Variants in VWA8 observed in about 807,000 individuals in gnomAD.
The protein encoded by VWA8 is von Willebrand factor A domain containing 8.
Under a neutral mutation model 241.5 loss-of-function variants are expected in VWA8, and 221 were observed. That is an observed-to-expected ratio of 0.91 (90% confidence interval 0.82 to 1.02). The LOEUF is 1.02. Ranked by LOEUF, VWA8 falls within the 50% of genes least tolerant of loss-of-function variation. The pLI is 0.00. For missense variants in VWA8, 2,322 were observed against 2,328.7 expected (o/e 1.00, Z 0.06); for synonymous variants, 852 against 827.1 (o/e 1.03, Z -0.52).
intron 20 of VWA8, among the ~76,000 whole-genome samples, chr13:41,765,790 T>C (rs1251611596): frequency 2.0e-5 from 3 of 152,182 alleles, no homozygotes; most frequent in East Asian, 3.8e-4. Context: ...TTAGTAAAAA[T>C]CAACATGAAA....
chr13:41,830,438 T>C (rs1871396826), intron 14 of VWA8, 91 bp downstream of exon 14: 1 of 1,060,348 alleles, frequency 9.4e-7, no homozygotes, highest in Non-Finnish European at 1.4e-6. Flanking sequence ...CAAAGTTATC[T>C]TGGCATTATT....
intron 20 of VWA8, 140 bp from the exon 21 acceptor site, chr13:41,761,344 G>A: frequency 1.4e-6 from 1 of 725,408 alleles, no homozygotes; most frequent in Non-Finnish European, 2.3e-6. Flanking sequence ...AAACCAAACT[G>A]GCAAACATAT....
At chr13:41,694,676 C>T (rs2045203587) in intron 29 of VWA8, among the ~76,000 whole-genome samples, 2 of 151,922 alleles carry the variant, frequency 1.3e-5, no homozygotes, top group Non-Finnish European at 2.9e-5. Flanking sequence ...AAAATGAATT[C>T]TTAGCACTTA....
intron 41 of VWA8, among the ~76,000 whole-genome samples, chr13:41,589,603 T>G (rs73181179): frequency 2.0e-5 from 3 of 152,070 alleles, no homozygotes; most frequent in African/African-American, 7.2e-5. Flanking sequence ...CACAAAGCAC[T>G]GGATAATTTG....
At chr13:41,825,673 C>CA (rs1253271828) in intron 14 of VWA8, among the ~76,000 whole-genome samples, 4 of 152,042 alleles carry the variant, frequency 2.6e-5, no homozygotes, top group African/African-American at 4.8e-5. Flanking sequence ...AAATCTTCCA[C>CA]AAAAAAGCTT....
chr13:41,958,730 A>C (rs1878456208), intron 1 of VWA8, among the ~76,000 whole-genome samples: 1 of 152,204 alleles, frequency 6.6e-6, no homozygotes. Flanking sequence ...GCATTCAGTT[A>C]CAGTTCTCAC....
Position 41,937,177 on chromosome 13 carries a change from T to G in VWA8, c.241+12759A>C, listed in dbSNP as rs376981777. Among the ~76,000 whole-genome samples the G allele has an allele frequency of 2.0e-5, 3 of 152,186 alleles. No homozygotes were observed. In the East Asian group the frequency reaches 5.8e-4, roughly 29 times the overall value. On this transcript the variant is annotated intron_variant, in intron 2 of 44. Transcript: ENST00000379310. ...TACCAGCAGTCACCAACCTTTTTGA[T>G]ACCAGGGAAGATAATTTTTCCACAG...
Position 41,573,486 on chromosome 13 carries a change from A to AATAAATAAATATAT in VWA8, c.5370+2253_5370+2254insATATATTTATTTAT, listed in dbSNP as rs1555303591. ...GGTGGCTATAGTTTAAAAAAAAAAA[A>AATAAATAAATATAT]ATATATATATATATATATATACCTC... On this transcript the variant is annotated intron_variant, in intron 43 of 44. Transcript: ENST00000379310. Among the ~76,000 whole-genome samples, 56 of 113,598 alleles carry AATAAATAAATATAT rather than the reference A, an allele frequency of 4.9e-4. 1 individual carries two copies. In the South Asian group the frequency reaches 9.0e-3, roughly 18 times the overall value. The allele number at this position is 113,598 out of a possible 152,430, so 74.5% of individuals were successfully genotyped here.
At chr13:41,934,492 G>C (rs560886433) in intron 2 of VWA8, among the ~76,000 whole-genome samples, 1 of 152,094 alleles carries the variant, frequency 6.6e-6, no homozygotes, top group South Asian at 2.1e-4. Context: ...ACAAAGACTT[G>C]TACATCAATG....
At position 41,865,666 on chromosome 13, in the gene VWA8, C is replaced by A. The variant is rs1873255694; in HGVS notation, c.1425+70G>T. ...AACACAGGTCATAACAAGAAGATAT[C>A]CATAAATTCTGCTGATGGCCTAAGC... On this transcript the variant is annotated intron_variant, in intron 12 of 44. Transcript: ENST00000379310. The A allele has an allele frequency of 3.3e-6, 5 of 1,529,024 alleles. No individual in the cohort carries two copies. In the South Asian group the frequency reaches 4.7e-5, roughly 15 times the overall value. The allele number at this position is 1,529,024 out of a possible 1,614,324, so 94.7% of individuals were successfully genotyped here.
chr13:41,775,583 G>A (rs1868556282), intron 20 of VWA8, among the ~76,000 whole-genome samples: 1 of 152,144 alleles, frequency 6.6e-6, no homozygotes, highest in African/African-American at 2.4e-5. Context: ...TTGAAAATCA[G>A]TGGGCTTGAC....
At chr13:41,573,486 A>ATAAATAAATAAATATAT (rs1555303592) in intron 43 of VWA8, among the ~76,000 whole-genome samples, 1 of 113,614 alleles carries the variant, frequency 8.8e-6, no homozygotes, top group African/African-American at 3.4e-5. Context: ...AAAAAAAAAA[A>ATAAATAAATAAATATAT]ATATATATAT....
At chr13:41,686,266 A>G (rs560628784) in intron 34 of VWA8, among the ~76,000 whole-genome samples, 6 of 152,194 alleles carry the variant, frequency 3.9e-5, no homozygotes, top group African/African-American at 1.4e-4. Context: ...TTCTTCAGAG[A>G]TGTTCTGGTT....
intron 44 of VWA8, among the ~76,000 whole-genome samples, chr13:41,569,559 G>C (rs893944174): frequency 1.3e-5 from 2 of 152,036 alleles, no homozygotes; most frequent in Non-Finnish European, 2.9e-5. Flanking sequence ...TAGCATTTTG[G>C]ATATTAAAAC....
rs903948998 is a variant in VWA8, at chr13:41,907,185, C to T, written c.483+401G>A. ...AAGCTATAGTTTCTGGAAGTGTATA[C>T]TCTCACTACCTTTAATACCCCTTTA... On this transcript the variant is annotated intron_variant, in intron 4 of 44. Transcript: ENST00000379310. 1.6e-4 allele frequency among the ~76,000 whole-genome samples: 24 copies of T among 152,144 alleles called. 1 individual carries two copies. The highest frequency in any genetic ancestry group is 3.3e-4 in the Admixed American group (5 of 15,270).
At chr13:41,837,335 T>C (rs1871786655) in intron 12 of VWA8, among the ~76,000 whole-genome samples, 1 of 152,228 alleles carries the variant, frequency 6.6e-6, no homozygotes, top group African/African-American at 2.4e-5. Flanking sequence ...ACATTTCAGC[T>C]TTTCCTTAAA....
chr13:41,749,640 T>G (rs1263090022), intron 21 of VWA8, among the ~76,000 whole-genome samples: 1 of 151,962 alleles, frequency 6.6e-6, no homozygotes, highest in Non-Finnish European at 1.5e-5. Context: ...ATTAAGAAAA[T>G]GTGGCACATA....
At chr13:41,635,647 A>G (rs2044751766) in intron 37 of VWA8, among the ~76,000 whole-genome samples, 1 of 152,074 alleles carries the variant, frequency 6.6e-6, no homozygotes, top group Admixed American at 6.6e-5. Flanking sequence ...CTGGGAGGGG[A>G]TCTGTACTCA....
intron 9 of VWA8, among the ~76,000 whole-genome samples, chr13:41,878,974 A>G (rs1874037218): frequency 6.6e-6 from 1 of 152,178 alleles, no homozygotes; most frequent in African/African-American, 2.4e-5. Context: ...CACAAAAAAC[A>G]TTACATTGCT....
Sources: allele counts gnomAD v4.1 joint callset (sites outside exome capture counted in the v4.1 genomes callset), GRCh38; gene constraint gnomAD v4.1.1; transcripts MANE v1.5; gene names NCBI Gene and HGNC (gene_info 2026-07-23, HGNC 2026-07-21).